The following C2orf76 variants were observed in gnomAD, a reference collection of about 807,000 sequenced individuals.
C2orf76 encodes the protein chromosome 2 open reading frame 76.
C2orf76 carries 23 observed loss-of-function variants against 16.9 expected under a neutral mutation model. The ratio of observed to expected loss-of-function variants is 1.36; its 90% CI spans 0.98 to 1.93. The LOEUF (loss-of-function observed/expected upper bound fraction) is 1.93. Ranked by LOEUF, C2orf76 falls within the 30% of genes most tolerant of loss-of-function variation. The pLI is 0.00. For missense variants in C2orf76, 152 were observed against 152.6 expected (o/e 1.00, Z 0.02); for synonymous variants, 48 against 52.3 (o/e 0.92, Z 0.35).
the C2orf76 span, among the ~76,000 whole-genome samples, chr2:119,295,801 C>T: frequency 6.6e-6 from 1 of 152,152 alleles, no homozygotes; most frequent in Non-Finnish European, 1.5e-5. Flanking sequence ...AATCTCATGG[C>T]CTACGAATGA....
At chr2:119,337,884 G>A (rs948490057) in intron 2 of C2orf76, among the ~76,000 whole-genome samples, 7 of 152,028 alleles carry the variant, frequency 4.6e-5, no homozygotes, top group Non-Finnish European at 8.8e-5. Context: ...CCGTGACCCT[G>A]GAAAAAAGAC....
chr2:119,290,736 AG>A, the C2orf76 span, among the ~76,000 whole-genome samples: 1 of 152,128 alleles, frequency 6.6e-6, no homozygotes, highest in Non-Finnish European at 1.5e-5. Flanking sequence ...AGGCTGAGAC[AG>A]GAGACTCGCT....
chr2:119,319,005 T>A (rs778362712), intron 3 of C2orf76, among the ~76,000 whole-genome samples: 2 of 152,030 alleles, frequency 1.3e-5, no homozygotes, highest in African/African-American at 2.4e-5. Flanking sequence ...TTATCTAGTA[T>A]TCCAAATTAC....
chr2:119,325,857 C>T (rs569916662), intron 2 of C2orf76, among the ~76,000 whole-genome samples: 1 of 152,146 alleles, frequency 6.6e-6, no homozygotes, highest in Non-Finnish European at 1.5e-5. Flanking sequence ...ATACATACGT[C>T]TTCTTTAGTG....
downstream of C2orf76, among the ~76,000 whole-genome samples, chr2:119,299,280 T>C (rs991614217): frequency 2.6e-5 from 4 of 152,242 alleles, no homozygotes; most frequent in Non-Finnish European, 5.9e-5. Flanking sequence ...AGGTTTTCTA[T>C]GAGCAAACTT....
intron 2 of C2orf76, among the ~76,000 whole-genome samples, chr2:119,333,803 A>T (rs1453230945): frequency 6.6e-6 from 1 of 152,238 alleles, no homozygotes; most frequent in Non-Finnish European, 1.5e-5. Flanking sequence ...AACATTCTGT[A>T]AGACACTGGC....
chr2:119,285,607 G>T, the C2orf76 span, among the ~76,000 whole-genome samples: 3 of 152,206 alleles, frequency 2.0e-5, no homozygotes, highest in Non-Finnish European at 4.4e-5. Flanking sequence ...CCAACACTGT[G>T]TCAGGGCATG....
chr2:119,326,052 A>G (rs1337313237), intron 2 of C2orf76, among the ~76,000 whole-genome samples: 1 of 152,110 alleles, frequency 6.6e-6, no homozygotes, highest in Non-Finnish European at 1.5e-5. Context: ...TCATTTTTTT[A>G]GTATATTTTG....
chr2:119,360,781 T>C (rs1680720016), intron 1 of C2orf76, among the ~76,000 whole-genome samples: 1 of 152,098 alleles, frequency 6.6e-6, no homozygotes, highest in African/African-American at 2.4e-5. Flanking sequence ...ATCTATATGA[T>C]GGAATAGTAC....
intron 3 of C2orf76, among the ~76,000 whole-genome samples, chr2:119,320,246 T>C (rs1679302912): frequency 1.3e-5 from 2 of 152,186 alleles, no homozygotes. Context: ...ATGTAACTAT[T>C]CTAATTTAAA....
downstream of C2orf76, among the ~76,000 whole-genome samples, chr2:119,298,511 C>T (rs1678571884): frequency 6.6e-6 from 1 of 151,772 alleles, no homozygotes; most frequent in Non-Finnish European, 1.5e-5. Context: ...TAGGCAACCA[C>T]CCTTTCTTCT....
At chr2:119,291,634 T>G in the C2orf76 span, among the ~76,000 whole-genome samples, 1 of 151,918 alleles carries the variant, frequency 6.6e-6, no homozygotes, top group Admixed American at 6.6e-5. Flanking sequence ...AGAACACTGC[T>G]GGGTGGTGTG....
Position 119,323,052 on chromosome 2 carries a change from C to G in C2orf76, c.134-1848G>C, listed in dbSNP as rs11885121. On this transcript the variant is annotated intron_variant, in intron 2 of 5. Coordinates refer to ENST00000334816, the MANE Select transcript of C2orf76 (RefSeq NM_001322331.2). ...AAGGTTTTTGAGACAGGGTCTTGCT[C>G]TGTTGCCCAGGCTAGAGTGCAGGGA... Among the ~76,000 whole-genome samples the G allele has an allele frequency of 5.0e-3, 763 of 152,218 alleles. 7 individuals carry two copies. The highest frequency in any genetic ancestry group is 0.017 in the African/African-American group (709 of 41,538).
intron 5 of C2orf76, among the ~76,000 whole-genome samples, chr2:119,306,408 G>A (rs1678786092): frequency 6.6e-6 from 1 of 152,160 alleles, no homozygotes; most frequent in Non-Finnish European, 1.5e-5. Context: ...AACCACGAGG[G>A]AGTTCTGGAA....
chr2:119,335,548 C>G (rs1038670038), intron 2 of C2orf76, among the ~76,000 whole-genome samples: 1 of 152,222 alleles, frequency 6.6e-6, no homozygotes, highest in African/African-American at 2.4e-5. Flanking sequence ...AAAGTCAAGT[C>G]TGCCACACAG....
At chr2:119,320,337 A>C (rs967217950) in intron 3 of C2orf76, among the ~76,000 whole-genome samples, 1 of 152,214 alleles carries the variant, frequency 6.6e-6, no homozygotes, top group Non-Finnish European at 1.5e-5. Context: ...CACAATTGAG[A>C]AGTTTCATAT....
chr2:119,287,358 A>G, the C2orf76 span, among the ~76,000 whole-genome samples: 1 of 152,108 alleles, frequency 6.6e-6, no homozygotes, highest in African/African-American at 2.4e-5. Context: ...GCCAGAAACC[A>G]GGCAACTATC....
chr2:119,364,628 A>T (rs1680866538), intron 1 of C2orf76, among the ~76,000 whole-genome samples: 1 of 152,216 alleles, frequency 6.6e-6, no homozygotes, highest in Non-Finnish European at 1.5e-5. Flanking sequence ...CTCCTGGCTT[A>T]TGTGTGTTTG....
chr2:119,288,979 G>A, the C2orf76 span, among the ~76,000 whole-genome samples: 45 of 151,998 alleles, frequency 3.0e-4, 2 homozygotes, highest in Admixed American at 2.6e-3. Flanking sequence ...AGGGAAAACC[G>A]AAATAATCTG....
Sources: gnomAD v4.1 joint callset for allele counts (sites outside exome capture counted in the v4.1 genomes callset) on GRCh38, gnomAD v4.1.1 for gene constraint, MANE v1.5 for transcripts, NCBI Gene and HGNC (gene_info 2026-07-23, HGNC 2026-07-21) for gene names.